Variants in DIAPH3 observed in about 807,000 individuals in gnomAD.
DIAPH3 encodes the protein diaphanous related formin 3.
A neutral mutation model predicts 144.3 loss-of-function variants in DIAPH3; 117 were observed. The ratio of observed to expected loss-of-function variants is 0.81; its 90% CI spans 0.70 to 0.95. DIAPH3 has a LOEUF of 0.95. Ranked by LOEUF, DIAPH3 falls within the 40% of genes least tolerant of loss-of-function variation. DIAPH3 has a pLI of 0.00. For missense variants in DIAPH3, 1,421 were observed against 1,412.7 expected (o/e 1.01, Z -0.09); for synonymous variants, 519 against 488.9 (o/e 1.06, Z -0.81).
At chr13:59,839,130 A>T in intron 23 of DIAPH3, 194 bp downstream of exon 23, 1 of 537,154 alleles carries the variant, frequency 1.9e-6, no homozygotes. Flanking sequence ...AAACAGACAG[A>T]CAGACAGACA....
intron 27 of DIAPH3, among the ~76,000 whole-genome samples, chr13:59,712,775 T>A (rs1171491028): frequency 6.6e-6 from 1 of 152,194 alleles, no homozygotes; most frequent in African/African-American, 2.4e-5. Context: ...GCAGTCTCCA[T>A]GAAAACAATC....
At chr13:59,924,622 T>A (rs567275138) in intron 18 of DIAPH3, among the ~76,000 whole-genome samples, 153 bp downstream of exon 18, 1 of 151,880 alleles carries the variant, frequency 6.6e-6, no homozygotes, top group African/African-American at 2.4e-5. Flanking sequence ...TTTAATCCCA[T>A]AATTTACCTA....
intron 2 of DIAPH3, among the ~76,000 whole-genome samples, chr13:60,128,368 C>G (rs567663136): frequency 2.0e-5 from 3 of 152,118 alleles, no homozygotes; most frequent in Non-Finnish European, 4.4e-5. Flanking sequence ...CTGCAATGAC[C>G]ATACGTGTAC....
intron 27 of DIAPH3, among the ~76,000 whole-genome samples, chr13:59,750,053 TGACTGGGTC>T (rs2036924819): frequency 6.6e-6 from 1 of 152,200 alleles, no homozygotes. Flanking sequence ...TCTGTGGTAA[TGACTGGGTC>T]ATTGTTATTA....
chr13:59,764,192 A>T (rs1367643397), intron 27 of DIAPH3, among the ~76,000 whole-genome samples: 1 of 151,796 alleles, frequency 6.6e-6, no homozygotes, highest in Non-Finnish European at 1.5e-5. Flanking sequence ...CCCATTCTAG[A>T]TTCTTGAGCG....
At chr13:59,974,016 C>A (rs1300916519) in intron 15 of DIAPH3, among the ~76,000 whole-genome samples, 2 of 151,970 alleles carry the variant, frequency 1.3e-5, no homozygotes, top group Admixed American at 6.6e-5. Flanking sequence ...ATAGCTTGAG[C>A]AATAATTTCT....
chr13:59,885,325 C>A (rs937563995), intron 20 of DIAPH3, among the ~76,000 whole-genome samples: 2 of 151,926 alleles, frequency 1.3e-5, no homozygotes, highest in African/African-American at 2.4e-5. Context: ...TCCAGACAAT[C>A]CCCATCCCAT....
At chr13:60,010,727 C>A (rs946610016) in intron 7 of DIAPH3, 58 bp from the exon 8 acceptor site, 16 of 1,539,912 alleles carry the variant, frequency 1.0e-5, no homozygotes, top group Non-Finnish European at 1.4e-5. Flanking sequence ...AAAATAATAC[C>A]CTGAAGGAAA....
At chr13:60,040,529 A>G (rs895129230) in intron 5 of DIAPH3, among the ~76,000 whole-genome samples, 4 of 152,124 alleles carry the variant, frequency 2.6e-5, no homozygotes, top group African/African-American at 9.7e-5. Flanking sequence ...GCATGAATTC[A>G]TATATAAAAA....
chr13:59,798,363 A>C (rs1462449608), intron 25 of DIAPH3, among the ~76,000 whole-genome samples: 1 of 152,216 alleles, frequency 6.6e-6, no homozygotes, highest in Non-Finnish European at 1.5e-5. Flanking sequence ...AAAAATTCAA[A>C]GCATAGCATG....
chr13:59,760,238 TA>T (rs955361486), intron 27 of DIAPH3, among the ~76,000 whole-genome samples: 5 of 152,232 alleles, frequency 3.3e-5, no homozygotes, highest in Non-Finnish European at 7.3e-5. Context: ...TTTTTCTTTA[TA>T]TTTTCTCCTC....
chr13:59,934,614 AT>A (rs1276765701), intron 17 of DIAPH3, among the ~76,000 whole-genome samples: 1 of 152,228 alleles, frequency 6.6e-6, no homozygotes, highest in Non-Finnish European at 1.5e-5. Flanking sequence ...GATAAAGAGT[AT>A]CAAAATTTGA....
chr13:60,018,017 A>G (rs1018435664), intron 5 of DIAPH3, among the ~76,000 whole-genome samples: 5 of 152,156 alleles, frequency 3.3e-5, no homozygotes, highest in Admixed American at 2.6e-4. Flanking sequence ...ATTTATTCCT[A>G]TTTCACATGC....
chr13:59,789,634 A>C (rs1419243294), intron 25 of DIAPH3, among the ~76,000 whole-genome samples: 1 of 152,154 alleles, frequency 6.6e-6, no homozygotes, highest in Non-Finnish European at 1.5e-5. Context: ...ACGAGGAGCC[A>C]GTGAGTGGTG....
intron 9 of DIAPH3, among the ~76,000 whole-genome samples, chr13:60,003,096 C>G (rs1227076240): frequency 6.6e-6 from 1 of 152,098 alleles, no homozygotes; most frequent in Non-Finnish European, 1.5e-5. Context: ...GTTTGGTTCT[C>G]CTGGGGCAAC....
intron 24 of DIAPH3, among the ~76,000 whole-genome samples, chr13:59,814,472 G>A (rs1366353541): frequency 6.6e-6 from 1 of 152,156 alleles, no homozygotes; most frequent in Non-Finnish European, 1.5e-5. Flanking sequence ...AAATAGGTGA[G>A]TCTGAGACTA....
chr13:60,055,430 G>A (rs2056517430), intron 4 of DIAPH3, among the ~76,000 whole-genome samples: 1 of 151,874 alleles, frequency 6.6e-6, no homozygotes, highest in African/African-American at 2.4e-5. Context: ...TGCTTCAACT[G>A]CTGAATGCAA....
At chr13:60,071,779 T>TA (rs1462872401) in intron 4 of DIAPH3, among the ~76,000 whole-genome samples, 1 of 152,198 alleles carries the variant, frequency 6.6e-6, no homozygotes, top group Admixed American at 6.5e-5. Context: ...CCCAGAGAAA[T>TA]ATGTGTGATT....
At chr13:59,702,280 T>C (rs977297436) in intron 27 of DIAPH3, among the ~76,000 whole-genome samples, 10 of 152,284 alleles carry the variant, frequency 6.6e-5, no homozygotes, top group East Asian at 5.8e-4. Context: ...ACCTAACTTA[T>C]AATGAAGACT....
Sources: gnomAD v4.1 joint callset for allele counts (sites outside exome capture counted in the v4.1 genomes callset) on GRCh38, gnomAD v4.1.1 for gene constraint, MANE v1.5 for transcripts, NCBI Gene and HGNC (gene_info 2026-07-23, HGNC 2026-07-21) for gene names.